IL20RA: variants seen among roughly 807,000 people sequenced by gnomAD.
IL20RA encodes interleukin 20 receptor subunit alpha, also known as interleukin-20 receptor subunit alpha.
In IL20RA, 29 loss-of-function variants were observed where a neutral mutation model predicts 36.5. The observed-to-expected ratio is 0.79, with a 90% CI of 0.59 to 1.08. The LOEUF (loss-of-function observed/expected upper bound fraction) is 1.08. Among genes scored for constraint, IL20RA ranks in the 50% least tolerant of loss-of-function variants. The probability of loss-of-function intolerance (pLI) is 0.00; values close to 1 mark genes in which losing one functional copy is unlikely to be tolerated. For synonymous variants in IL20RA, 279 were observed against 267.1 expected, an observed-to-expected ratio of 1.04 and a Z score of -0.43; for missense variants, 652 against 668.4, an observed-to-expected ratio of 0.98 and a Z score of 0.27.
intron 1 of IL20RA, 60 bp from the exon 2 acceptor site, chr6:137,017,163 T>A: frequency 7.0e-7 from 1 of 1,418,746 alleles, no homozygotes; most frequent in Non-Finnish European, 9.9e-7. Context: ...ACATGATTCC[T>A]GTAGCAGCTA....
At chr6:137,038,657 A>G (rs2115427562) in intron 1 of IL20RA, among the ~76,000 whole-genome samples, 1 of 152,342 alleles carries the variant, frequency 6.6e-6, no homozygotes, top group South Asian at 2.1e-4. Context: ...GTATAATGTT[A>G]TAATTAAGAT....
chr6:137,007,771 G>A (rs1457828266), intron 5 of IL20RA, among the ~76,000 whole-genome samples: 4 of 152,190 alleles, frequency 2.6e-5, no homozygotes, highest in African/African-American at 9.7e-5. Context: ...AGTGATCACT[G>A]ATTTGTGGAT....
intron 4 of IL20RA, 89 bp downstream of exon 4, chr6:137,009,228 T>G (rs1231155352): frequency 2.8e-6 from 3 of 1,060,544 alleles, no homozygotes; most frequent in South Asian, 2.5e-5. Flanking sequence ...CAGATTCACA[T>G]GCAGAGAATC....
chr6:137,004,280 ACT>A (rs1425151799), intron 6 of IL20RA, among the ~76,000 whole-genome samples: 2 of 144,302 alleles, frequency 1.4e-5, no homozygotes, highest in African/African-American at 5.2e-5. Flanking sequence ...GGTTCAAGTG[ACT>A]CTCCTGTCTC....
At position 137,044,736 on chromosome 6, in the gene IL20RA, G is replaced by A; in HGVS notation, c.-8C>T. 2.5e-6 allele frequency: 3 copies of A among 1,216,206 alleles called. No homozygotes were observed. Among genetic ancestry groups the A allele is most frequent in the Non-Finnish European group, 3.1e-6 (3 of 978,326 alleles). The allele number at this position is 1,216,206 out of a possible 1,614,324, so 75.3% of individuals were successfully genotyped here. On this transcript the variant is annotated 5_prime_UTR_variant, in exon 1 of 7. Coordinates refer to ENST00000316649, the MANE Select transcript of IL20RA (RefSeq NM_014432.4). The stretch of plus-strand genomic sequence containing the variant: ...GCGGCCGGGAGCCCGCATGGGCGGC[G>A]GGGCTGGGTCACATGTCGGGGGGCA...
intron 1 of IL20RA, 85 bp downstream of exon 1, chr6:137,044,556 G>A (rs1464217395): frequency 8.4e-7 from 1 of 1,183,506 alleles, no homozygotes; most frequent in Non-Finnish European, 1.1e-6. Context: ...CGGGCAGGAG[G>A]GGAGAGCTCG....
Position 137,017,089 on chromosome 6 carries a change from C to T in IL20RA, c.103G>A (p.Gly35Ser). The change falls in exon 2 of 7, where the codon GGT becomes AGT. Residue 35 changes from glycine (G) to serine (S), a missense_variant. Coordinates refer to ENST00000316649, the MANE Select transcript of IL20RA (RefSeq NM_014432.4). ...ATGTTTGCAGGTTTAGGCAAACCACCAGAGACACAGGGAACTGAAAAAGGA... is the reference window on the plus strand; with the variant it reads ...ATGTTTGCAGGTTTAGGCAAACCACTAGAGACACAGGGAACTGAAAAAGGA... The part of the protein sequence containing the change: ...PWGRAVPCVS[G>S]GLPKPANITF... The T allele has an allele frequency of 1.2e-6, 2 of 1,613,178 alleles. No homozygotes were observed. Among genetic ancestry groups the T allele is most frequent in the Non-Finnish European group, 1.7e-6 (2 of 1,179,644 alleles).
At chr6:137,034,627 G>T (rs188795906) in intron 1 of IL20RA, among the ~76,000 whole-genome samples, 1 of 152,188 alleles carries the variant, frequency 6.6e-6, no homozygotes, top group East Asian at 1.9e-4. Context: ...TGTTCTCATT[G>T]TTCAGCTCCC....
In IL20RA at chr6:137,001,999, G is replaced by A; in HGVS notation, c.1221C>T (p.Thr407=). The A allele has an allele frequency of 1.2e-6, 2 of 1,614,030 alleles. No individual in the cohort carries two copies. The highest frequency in any genetic ancestry group is 1.7e-6 in the Non-Finnish European group (2 of 1,179,908). The part of the protein sequence containing the change: ...TVIEYEYDVR[T]TDICAGPEEQ... ...CTTCAGGCCCCGCACAAATGTCAGT[G>A]GTTCTGACATCATATTCATATTCAA... Residue 407 remains threonine, a synonymous_variant, in exon 7 of 7, where the codon ACC becomes ACT. Transcript: ENST00000316649.
chr6:137,004,171 T>G (rs1235326708), intron 6 of IL20RA, among the ~76,000 whole-genome samples: 11 of 131,844 alleles, frequency 8.3e-5, no homozygotes, highest in African/African-American at 3.0e-4. Flanking sequence ...TTTTTTTTTT[T>G]TTTTTTTTTT....
chr6:137,035,299 A>G (rs1275110398), intron 1 of IL20RA, among the ~76,000 whole-genome samples: 1 of 152,042 alleles, frequency 6.6e-6, no homozygotes, highest in Non-Finnish European at 1.5e-5. Flanking sequence ...GAGTAAGGAG[A>G]ATGTGATGTG....
chr6:137,024,342 C>T (rs975352460), intron 1 of IL20RA, among the ~76,000 whole-genome samples: 1 of 152,168 alleles, frequency 6.6e-6, no homozygotes, highest in Admixed American at 6.5e-5. Flanking sequence ...TGAATCAACA[C>T]CAGAGTGAAA....
intron 2 of IL20RA, among the ~76,000 whole-genome samples, chr6:137,015,644 T>C (rs1775657028): frequency 6.6e-6 from 1 of 152,140 alleles, no homozygotes; most frequent in Admixed American, 6.5e-5. Context: ...TTGCTCTCCA[T>C]AATTTTTGTT....
At position 137,008,287 on chromosome 6, in the gene IL20RA, A is replaced by T. The variant is rs539452759; in HGVS notation, c.724+312T>A. Reference sequence around the variant, plus strand: ...GCGTGATTATGATTTTAAAGAAGAAAAAAGGCATGTGTAAAAGTTCTTCAT... The same window carrying T: ...GCGTGATTATGATTTTAAAGAAGAATAAAGGCATGTGTAAAAGTTCTTCAT... On this transcript the variant is annotated intron_variant, in intron 5 of 6. Transcript: ENST00000316649. Among the ~76,000 whole-genome samples, 15 of 152,324 alleles carry T rather than the reference A, an allele frequency of 9.8e-5. No homozygotes were observed. The South Asian group carries it at 1.0e-3, about 11-fold the overall frequency.
chr6:137,039,891 C>T (rs1242485958), intron 1 of IL20RA, among the ~76,000 whole-genome samples: 2 of 152,088 alleles, frequency 1.3e-5, no homozygotes, highest in Non-Finnish European at 2.9e-5. Context: ...AATTGTAATA[C>T]AAGCAGTTTA....
chr6:137,037,696 C>A (rs1315258834), intron 1 of IL20RA, among the ~76,000 whole-genome samples: 1 of 151,980 alleles, frequency 6.6e-6, no homozygotes, highest in Non-Finnish European at 1.5e-5. Flanking sequence ...GGAAGTCAGC[C>A]CGAGATATTG....
intron 1 of IL20RA, among the ~76,000 whole-genome samples, chr6:137,031,266 C>T (rs1293342656): frequency 6.6e-6 from 1 of 152,180 alleles, no homozygotes; most frequent in Non-Finnish European, 1.5e-5. Flanking sequence ...AATAAATTAA[C>T]AAGCAGTGCT....
intron 1 of IL20RA, chr6:137,044,015 A>C: frequency 4.0e-6 from 3 of 746,284 alleles, no homozygotes; most frequent in Non-Finnish European, 4.9e-6. Flanking sequence ...TTATTTCTGA[A>C]AAATCAAAGA....
chr6:137,039,868 G>A (rs1299152885), intron 1 of IL20RA, among the ~76,000 whole-genome samples: 2 of 152,108 alleles, frequency 1.3e-5, no homozygotes, highest in Non-Finnish European at 2.9e-5. Flanking sequence ...CAACTAGCAT[G>A]AGGGGGAACC....
Sources: allele counts gnomAD v4.1 joint callset (sites outside exome capture counted in the v4.1 genomes callset), GRCh38; gene constraint gnomAD v4.1.1; transcripts MANE v1.5; gene names NCBI Gene and HGNC (gene_info 2026-07-23, HGNC 2026-07-21).